COLQ: variants seen among roughly 807,000 people sequenced by gnomAD.
COLQ encodes collagen like tail subunit of asymmetric acetylcholinesterase, also known as acetylcholinesterase collagenic tail peptide.
In COLQ, 48 loss-of-function variants were observed where a neutral mutation model predicts 69.0. The ratio of observed to expected loss-of-function variants is 0.70; its 90% CI spans 0.55 to 0.88. The LOEUF is 0.88. COLQ is among the 40% of genes least tolerant of loss of function. COLQ has a pLI of 0.00. For synonymous variants in COLQ, 217 were observed against 211.2 expected (o/e 1.03, Z -0.24); for missense variants, 618 against 594.6 (o/e 1.04, Z -0.41).
At chr3:15,504,349 C>T (rs4624547) in intron 1 of COLQ, among the ~76,000 whole-genome samples, 6,178 of 152,236 alleles carry the variant, frequency 0.041, 290 homozygotes, top group Admixed American at 0.14. Flanking sequence ...CAAGGTGTGG[C>T]TGGTTTGTTT....
At position 15,489,598 on chromosome 3, in the gene COLQ, T is replaced by C. The variant is rs1379350360; in HGVS notation, c.146A>G (p.Lys49Arg). The change falls in exon 2 of 17, where the codon AAA becomes AGA. Residue 49 changes from lysine (K) to arginine (R), a missense_variant. Coordinates refer to ENST00000383788, the MANE Select transcript of COLQ (RefSeq NM_005677.4). ...SLDQKKRGGH[K>R]ACCLLTPPPP... Reference sequence around the variant, plus strand: ...AGGAGGCGTCAGCAGGCAGCATGCTTTGTGGCCACCACGCTTCTTCTGATC... The same window carrying C: ...AGGAGGCGTCAGCAGGCAGCATGCTCTGTGGCCACCACGCTTCTTCTGATC... 1 of 1,614,186 alleles carries C rather than the reference T, an allele frequency of 6.2e-7. No individual in the cohort carries two copies. The highest frequency in any genetic ancestry group is 8.5e-7 in the Non-Finnish European group (1 of 1,180,034).
intron 1 of COLQ, among the ~76,000 whole-genome samples, chr3:15,512,023 C>T (rs766514974): frequency 3.3e-5 from 5 of 152,284 alleles, no homozygotes; most frequent in Non-Finnish European, 5.9e-5. Context: ...CCTGTCTTCC[C>T]GGGTCCCCAA....
At chr3:15,519,274 C>T (rs955065595) in intron 1 of COLQ, among the ~76,000 whole-genome samples, 1 of 152,238 alleles carries the variant, frequency 6.6e-6, no homozygotes, top group African/African-American at 2.4e-5. Flanking sequence ...CCAACCCTCC[C>T]CTTGGCTCTC....
In COLQ at chr3:15,456,490, G is replaced by A; in HGVS notation, c.1044C>T (p.Phe348=). 1 of 1,614,224 alleles carries A rather than the reference G, an allele frequency of 6.2e-7. No homozygotes were observed. The highest frequency in any genetic ancestry group is 8.5e-7 in the Non-Finnish European group (1 of 1,180,040). The change falls in exon 14 of 17, where the codon TTC becomes TTT. Residue 348 remains phenylalanine (F), a synonymous_variant. Coordinates refer to ENST00000383788, the MANE Select transcript of COLQ (RefSeq NM_005677.4). ...AFRRDQRSLY[F]KDSLGWLPIQ... ...TGGGGAGCCAGCCAAGGCTGTCCTTGAAGTACAGAGATCTCTGGTCTCTGC... is the reference window on the plus strand; with the variant it reads ...TGGGGAGCCAGCCAAGGCTGTCCTTAAAGTACAGAGATCTCTGGTCTCTGC...
intron 16 of COLQ, among the ~76,000 whole-genome samples, chr3:15,453,362 T>A (rs536937260): frequency 6.6e-6 from 1 of 152,352 alleles, no homozygotes; most frequent in African/African-American, 2.4e-5. Context: ...TGATTTGATC[T>A]CACTTGCAGT....
chr3:15,476,589 G>A (rs991745304), intron 6 of COLQ, among the ~76,000 whole-genome samples: 6 of 152,152 alleles, frequency 3.9e-5, no homozygotes, highest in African/African-American at 1.2e-4. Context: ...TCTGAGTCAC[G>A]CCTCTGAACC....
chr3:15,481,897 T>C (rs2062490929), intron 3 of COLQ, among the ~76,000 whole-genome samples: 1 of 152,218 alleles, frequency 6.6e-6, no homozygotes. Context: ...CATTGAGCAG[T>C]GGTTTGCAGT....
chr3:15,458,487 T>C (rs778541567), intron 12 of COLQ, among the ~76,000 whole-genome samples, 162 bp from the exon 13 acceptor site: 2 of 152,206 alleles, frequency 1.3e-5, no homozygotes, highest in Non-Finnish European at 2.9e-5. Context: ...ATCCAAGACA[T>C]GGAGGAGCTA....
At chr3:15,478,597 C>A (rs2062421218) in intron 5 of COLQ, 1 of 316,518 alleles carries the variant, frequency 3.2e-6, no homozygotes, top group Non-Finnish European at 6.0e-6. Flanking sequence ...TGCTCTGGCA[C>A]TTTATTCAAA....
chr3:15,507,481 G>A (rs959610558), intron 1 of COLQ, among the ~76,000 whole-genome samples: 1 of 152,072 alleles, frequency 6.6e-6, no homozygotes, highest in Non-Finnish European at 1.5e-5. Context: ...TGAAAAGTGG[G>A]TCTCACTCTG....
intron 3 of COLQ, among the ~76,000 whole-genome samples, chr3:15,483,110 TATTA>T (rs1192372814): frequency 1.3e-5 from 2 of 152,204 alleles, no homozygotes; most frequent in Non-Finnish European, 2.9e-5. Context: ...TTTTCTTCTT[TATTA>T]GTCTTGCTAG....
Position 15,477,024 on chromosome 3 carries a change from G to T in COLQ, c.465+102C>A. ...AAGCTCTCTTCTTCTTCCCCCTCTT[G>T]AAGAAGGGATTCCCTGACTATGTGC... On this transcript the variant is annotated intron_variant, in intron 6 of 16. Transcript: ENST00000383788. 5.2e-6 allele frequency: 6 copies of T among 1,143,054 alleles called. 1 individual carries two copies. Among genetic ancestry groups the T allele is most frequent in the Middle Eastern group, 2.6e-4 (1 of 3,784 alleles). The allele number at this position is 1,143,054 out of a possible 1,614,324, so 70.8% of individuals were successfully genotyped here.
chr3:15,466,390 C>T lies in COLQ; in HGVS notation c.765G>A (p.Gly255=). 1 of 1,614,130 alleles carries T rather than the reference C, an allele frequency of 6.2e-7. No individual in the cohort carries two copies. The highest frequency in any genetic ancestry group is 8.5e-7 in the Non-Finnish European group (1 of 1,180,040). Residue 255 remains glycine (G), a synonymous_variant, in exon 12 of 17, where the codon GGG becomes GGA. Coordinates refer to ENST00000383788, the MANE Select transcript of COLQ (RefSeq NM_005677.4). ...CCGGACGGCCAGGTTGACCAGAAGGCCCAGGCTTGCCTGGTGGGCCCATAA... is the reference window on the plus strand; with the variant it reads ...CCGGACGGCCAGGTTGACCAGAAGGTCCAGGCTTGCCTGGTGGGCCCATAA... ...SGVMGPPGKP[G]PSGQPGRPGP...
At chr3:15,460,171 T>A in intron 12 of COLQ, among the ~76,000 whole-genome samples, 1 of 152,238 alleles carries the variant, frequency 6.6e-6, no homozygotes, top group East Asian at 1.9e-4. Flanking sequence ...TGATCTCCAG[T>A]AGAATGTCGC....
intron 16 of COLQ, 41 bp from the exon 17 acceptor site, chr3:15,451,754 T>C: frequency 6.4e-7 from 1 of 1,554,232 alleles, no homozygotes; most frequent in South Asian, 1.1e-5. Flanking sequence ...CCACCTCTTA[T>C]ATGCTGGTGA....
intron 1 of COLQ, among the ~76,000 whole-genome samples, chr3:15,512,309 C>T (rs143042221): frequency 3.0e-3 from 456 of 152,300 alleles, no homozygotes; most frequent in African/African-American, 9.7e-3. Context: ...GTAGCAGCCA[C>T]GAGGCCTCTC....
chr3:15,451,129 G>A lies in COLQ; in HGVS notation c.*515C>T, dbSNP rs10154896. ...CAGGTTCAAAGCTGTGAGCCACCCC[G>A]AGAGAACGTGCCCACTTCCCTGCTT... is the stretch of plus-strand genomic sequence containing the variant. On this transcript the variant is annotated 3_prime_UTR_variant, in exon 17 of 17. Coordinates refer to ENST00000383788, the MANE Select transcript of COLQ (RefSeq NM_005677.4). 0.063 allele frequency: 10,279 copies of A among 164,430 alleles called. 577 individuals are homozygous for A. Among genetic ancestry groups the A allele is most frequent in the African/African-American group, 0.15 (6,278 of 41,818 alleles). 10.2% of individuals were successfully genotyped at this position (164,430 alleles called of 1,614,324 possible). A position where few individuals can be genotyped will look rare whatever the true frequency, so the allele number is the denominator to read the frequency against.
intron 15 of COLQ, among the ~76,000 whole-genome samples, chr3:15,454,288 A>G (rs2061994126): frequency 6.6e-6 from 1 of 152,146 alleles, no homozygotes; most frequent in African/African-American, 2.4e-5. Context: ...GCTGAGCCCC[A>G]GTGAGGGTGC....
intron 12 of COLQ, among the ~76,000 whole-genome samples, chr3:15,461,942 G>T (rs2062122122): frequency 6.6e-6 from 1 of 151,852 alleles, no homozygotes; most frequent in Non-Finnish European, 1.5e-5. Context: ...GAACCAATTT[G>T]GGGGGCCTAG....
Sources: allele counts gnomAD v4.1 joint callset (sites outside exome capture counted in the v4.1 genomes callset), GRCh38; gene constraint gnomAD v4.1.1; transcripts MANE v1.5; gene names NCBI Gene and HGNC (gene_info 2026-07-23, HGNC 2026-07-21).